The following CACNA2D2 variants were observed in gnomAD, a reference collection of about 807,000 sequenced individuals.
CACNA2D2 encodes calcium voltage-gated channel auxiliary subunit alpha2delta 2, also known as voltage-dependent calcium channel subunit alpha-2/delta-2.
CACNA2D2 carries 48 observed loss-of-function variants against 166.4 expected under a neutral mutation model. The observed-to-expected ratio is 0.29, with a 90% CI of 0.23 to 0.37. The LOEUF (loss-of-function observed/expected upper bound fraction) is 0.37. Among genes scored for constraint, CACNA2D2 ranks in the 10% least tolerant of loss-of-function variants. The pLI, the probability that CACNA2D2 is intolerant of heterozygous loss-of-function variation, is 1.00. For synonymous variants in CACNA2D2, 561 were observed against 573.7 expected (o/e 0.98, Z 0.32); for missense variants, 1,122 against 1,433.0 (o/e 0.78, Z 3.50).
At chr3:50,406,466 C>G (rs1559917784) in intron 3 of CACNA2D2, among the ~76,000 whole-genome samples, 1 of 151,628 alleles carries the variant, frequency 6.6e-6, no homozygotes, top group African/African-American at 2.4e-5. Flanking sequence ...ACCCCCATCA[C>G]CCACCATCAA....
At chr3:50,489,575 G>A (rs570565549) in intron 1 of CACNA2D2, among the ~76,000 whole-genome samples, 11 of 150,296 alleles carry the variant, frequency 7.3e-5, no homozygotes, top group African/African-American at 2.5e-4. Context: ...CCCCGGAAGC[G>A]CATCAGAAAG....
chr3:50,383,872 A>C (rs1705449755), intron 6 of CACNA2D2, among the ~76,000 whole-genome samples: 1 of 152,038 alleles, frequency 6.6e-6, no homozygotes, highest in African/African-American at 2.4e-5. Context: ...GCAGGCGGGC[A>C]CTCAGTCCAA....
intron 1 of CACNA2D2, among the ~76,000 whole-genome samples, chr3:50,488,717 T>C (rs1379467862): frequency 6.6e-6 from 1 of 151,922 alleles, no homozygotes; most frequent in Admixed American, 6.6e-5. Flanking sequence ...TTTTTGTTTT[T>C]GAGACAGAGT....
At chr3:50,441,256 A>G (rs1708585522) in intron 2 of CACNA2D2, among the ~76,000 whole-genome samples, 1 of 152,090 alleles carries the variant, frequency 6.6e-6, no homozygotes, top group Admixed American at 6.5e-5. Context: ...CAAAACTCAC[A>G]GGGGCCTGAA....
intron 2 of CACNA2D2, among the ~76,000 whole-genome samples, chr3:50,473,875 G>A (rs951183768): frequency 8.5e-5 from 13 of 152,212 alleles, no homozygotes; most frequent in Non-Finnish European, 1.3e-4. Context: ...AAGCAGAGGA[G>A]GAAAACTAGA....
chr3:50,380,536 G>A lies in CACNA2D2; in HGVS notation c.842+212C>T, dbSNP rs1705245012. 1.3e-5 allele frequency among the ~76,000 whole-genome samples: 2 copies of A among 152,226 alleles called. No homozygotes were observed. The highest frequency in any genetic ancestry group is 1.3e-4 in the Admixed American group (2 of 15,290). On this transcript the variant is annotated intron_variant, in intron 8 of 37. Transcript: ENST00000424201. The surrounding 1 kb of genome is among the most constrained non-coding windows in gnomAD (Gnocchi z 4.9). Reference sequence around the variant, plus strand: ...CCAATCTCTCAGTCCTGAGTGGGTGGGGGTGCTGGGCAGTGGACGGGGGGC... The same window carrying A: ...CCAATCTCTCAGTCCTGAGTGGGTGAGGGTGCTGGGCAGTGGACGGGGGGC...
At position 50,365,306 on chromosome 3, in the gene CACNA2D2, C is replaced by CA; in HGVS notation, c.3098+49_3098+50insT. On this transcript the variant is annotated intron_variant, in intron 35 of 37. Coordinates refer to ENST00000424201, the MANE Select transcript of CACNA2D2 (RefSeq NM_006030.4). The surrounding 1 kb of genome is among the most constrained non-coding windows in gnomAD (Gnocchi z 4.5). ...CTTCCATCCTCCCGAGCGTCTCGCC[C>CA]CGCTCACAGGTTCCGCCCTTGGCCT... 1 of 1,604,148 alleles carries CA rather than the reference C, an allele frequency of 6.2e-7. No homozygotes were observed. Among genetic ancestry groups the CA allele is most frequent in the African/African-American group, 1.3e-5 (1 of 74,516 alleles).
chr3:50,479,940 C>G (rs1697975183), intron 1 of CACNA2D2, among the ~76,000 whole-genome samples: 1 of 152,156 alleles, frequency 6.6e-6, no homozygotes, highest in Non-Finnish European at 1.5e-5. Context: ...CTTCTAAGTG[C>G]CAAACTAACA....
At chr3:50,444,365 A>T (rs1299040304) in intron 2 of CACNA2D2, among the ~76,000 whole-genome samples, 1 of 152,214 alleles carries the variant, frequency 6.6e-6, no homozygotes, top group African/African-American at 2.4e-5. Context: ...AATGGCCAAA[A>T]GCCATGGGTC....
At chr3:50,369,049 C>T (rs1704509348) in intron 23 of CACNA2D2, among the ~76,000 whole-genome samples, 1 of 152,234 alleles carries the variant, frequency 6.6e-6, no homozygotes, top group Non-Finnish European at 1.5e-5. Flanking sequence ...TGTGGTAGGG[C>T]TCATGGCTTG....
intron 5 of CACNA2D2, among the ~76,000 whole-genome samples, chr3:50,384,669 G>A (rs1216067399): frequency 6.6e-6 from 1 of 152,194 alleles, no homozygotes; most frequent in Non-Finnish European, 1.5e-5. Context: ...GCAAATCATG[G>A]AGCCAATCAG....
chr3:50,446,623 C>T (rs577228345), intron 2 of CACNA2D2, among the ~76,000 whole-genome samples: 1 of 152,360 alleles, frequency 6.6e-6, no homozygotes, highest in African/African-American at 2.4e-5. Flanking sequence ...TCAGCTGAGT[C>T]TCGGGTTCAC....
intron 3 of CACNA2D2, 50 bp from the exon 4 acceptor site, chr3:50,394,218 C>T: frequency 1.3e-6 from 2 of 1,489,088 alleles, no homozygotes; most frequent in Non-Finnish European, 1.9e-6. Flanking sequence ...GCAGCCTGCC[C>T]TATGCCCACC....
At chr3:50,369,531 C>T (rs1575589214) in intron 23 of CACNA2D2, among the ~76,000 whole-genome samples, 2 of 152,260 alleles carry the variant, frequency 1.3e-5, no homozygotes, top group African/African-American at 4.8e-5. Flanking sequence ...CATACGTGCA[C>T]ACACGAAGGT....
In CACNA2D2 at chr3:50,365,990, C is replaced by G; in HGVS notation, c.2862+21G>C. 2 of 1,611,056 alleles carry G rather than the reference C, an allele frequency of 1.2e-6. No homozygotes were observed. Among genetic ancestry groups the G allele is most frequent in the South Asian group, 1.1e-5 (1 of 90,906 alleles). ...CTCCCAGTCCCCCCCATCTCCAGTC[C>G]AGGCATCTCTGGGGACTCACCACAA... On this transcript the variant is annotated intron_variant, in intron 32 of 37. Transcript: ENST00000424201. This position sits in a 1 kb window ranked among gnomAD's most constrained non-coding sequence, Gnocchi z 4.5.
chr3:50,400,152 CAT>C (rs1486595638), intron 3 of CACNA2D2, among the ~76,000 whole-genome samples: 2 of 152,226 alleles, frequency 1.3e-5, no homozygotes, highest in African/African-American at 4.8e-5. Flanking sequence ...TGTCTAAAAA[CAT>C]ATCTGCATAA....
At chr3:50,494,448 AG>A (rs1698645396) in intron 1 of CACNA2D2, among the ~76,000 whole-genome samples, 1 of 152,128 alleles carries the variant, frequency 6.6e-6, no homozygotes, top group African/African-American at 2.4e-5. Flanking sequence ...CTACCATCTC[AG>A]GAATACGCCA....
chr3:50,468,688 A>G (rs999131498), intron 2 of CACNA2D2, among the ~76,000 whole-genome samples: 2 of 151,914 alleles, frequency 1.3e-5, no homozygotes, highest in African/African-American at 4.8e-5. Flanking sequence ...CACCCTCAAG[A>G]ACCCCCGATC....
At chr3:50,391,388 C>G (rs1353345099) in intron 4 of CACNA2D2, among the ~76,000 whole-genome samples, 1 of 152,240 alleles carries the variant, frequency 6.6e-6, no homozygotes. Context: ...TTTGGTGGCA[C>G]ACAGTGTTGG....
Sources: allele counts gnomAD v4.1 joint callset (sites outside exome capture counted in the v4.1 genomes callset), GRCh38; gene constraint gnomAD v4.1.1; non-coding constraint Gnocchi (gnomAD v3.1); transcripts MANE v1.5; gene names NCBI Gene and HGNC (gene_info 2026-07-23, HGNC 2026-07-21).